Variants in THBS2 observed in about 807,000 individuals in gnomAD.
The protein encoded by THBS2 is thrombospondin-2.
Under a neutral mutation model 135.2 loss-of-function variants are expected in THBS2, and 47 were observed. That is an observed-to-expected ratio of 0.35 (90% CI 0.28 to 0.44). The LOEUF (loss-of-function observed/expected upper bound fraction) is 0.44, where lower values mean the gene tolerates loss of function less well. THBS2 is among the 20% of genes least tolerant of loss of function. The probability of loss-of-function intolerance (pLI) is 1.00; values close to 1 mark genes in which losing one functional copy is unlikely to be tolerated. For synonymous variants in THBS2, 639 were observed against 633.8 expected, an observed-to-expected ratio of 1.01 and a Z score of -0.12; for missense variants, 1,288 against 1,603.1, an observed-to-expected ratio of 0.80 and a Z score of 3.36.
chr6:169,225,124 A>C, intron 17 of THBS2, 21 bp downstream of exon 17: 1 of 1,612,012 alleles, frequency 6.2e-7, no homozygotes, highest in East Asian at 2.2e-5. Flanking sequence ...CTCCACGCCC[A>C]TGAGCTGAGA....
chr6:169,227,444 T>C (rs576910690), intron 15 of THBS2, among the ~76,000 whole-genome samples: 1 of 152,330 alleles, frequency 6.6e-6, no homozygotes, highest in East Asian at 1.9e-4. Context: ...ACCCACGTTA[T>C]TCTAACTCCT....
intron 6 of THBS2, 91 bp from the exon 7 acceptor site, chr6:169,239,786 G>T: frequency 1.0e-6 from 1 of 972,478 alleles, no homozygotes; most frequent in Non-Finnish European, 1.6e-6. Context: ...CGACAGAATG[G>T]CTGAATGTTT....
rs1451876088 is a variant in THBS2 at position 169,217,962 on chromosome 6, ATGGATGGATGAAATGGATGGG to A, written c.3512-154_3512-134del. On this transcript the variant is annotated intron_variant, in intron 21 of 21. Transcript: ENST00000617924. ...TGAGATCTATCATATGGATGGATGG[ATGGATGGATGAAATGGATGGG>A]TGGATGGATGAGATGGGTGGGTGGA... 6.8e-6 allele frequency: 5 copies of A among 740,140 alleles called. No individual in the cohort carries two copies. The Admixed American group carries it at 1.0e-4, about 15-fold the overall frequency. The allele number at this position is 740,140 out of a possible 1,614,324, so 45.8% of individuals were successfully genotyped here. A position where few individuals can be genotyped will look rare whatever the true frequency, so the allele number is the denominator to read the frequency against.
chr6:169,242,590 ACCT>A (rs1780352380), intron 4 of THBS2, among the ~76,000 whole-genome samples: 1 of 57,184 alleles, frequency 1.7e-5, no homozygotes, highest in African/African-American at 7.3e-5. Context: ...CCAAATTCCC[ACCT>A]TCCCACATTC....
rs1780227277 is a variant in THBS2 at position 169,239,774 on chromosome 6, G to A, written c.1033-79C>T. 9.1e-6 allele frequency: 10 copies of A among 1,095,384 alleles called. No homozygotes were observed. In the Admixed American group the frequency reaches 1.8e-4, roughly 20 times the overall value. 67.9% of individuals were successfully genotyped at this position (1,095,384 alleles called of 1,614,324 possible). A position where few individuals can be genotyped will look rare whatever the true frequency, so the allele number is the denominator to read the frequency against. ...GGTACAAGGGCTGAGACTAGAAGGG[G>A]TCGACAGAATGGCTGAATGTTTTCC... On this transcript the variant is annotated intron_variant, in intron 6 of 21. Transcript: ENST00000617924.
chr6:169,243,027 A>C (rs1458951127), intron 4 of THBS2, among the ~76,000 whole-genome samples: 6 of 49,066 alleles, frequency 1.2e-4, no homozygotes, highest in East Asian at 6.2e-4. Context: ...CCACCTTCCC[A>C]CCTTCCCACC....
Position 169,241,766 on chromosome 6 carries a change from C to G in THBS2, c.887G>C (p.Arg296Thr). The G allele has an allele frequency of 6.2e-7, 1 of 1,606,998 alleles. No homozygotes were observed. The highest frequency in any genetic ancestry group is 8.5e-7 in the Non-Finnish European group (1 of 1,175,452). The change falls in exon 5 of 22, where the codon AGA (arginine) becomes ACA (threonine). Residue 296 changes from arginine to threonine, a missense_variant. By Grantham distance (71) the Arg-to-Thr change is moderately conservative. Transcript: ENST00000617924. This position sits in a 1 kb window ranked among gnomAD's most constrained non-coding sequence, Gnocchi z 5.5. ...GGCCCCTGCGTGAGTACCCACCACT[C>G]TCTTGAGGTTCTCGCTGAGCTGGTT... ...LVNQLSENLK[R>T]VSNDNQFLWE...
chr6:169,249,759 G>A (rs547575829), intron 2 of THBS2, among the ~76,000 whole-genome samples: 35 of 152,266 alleles, frequency 2.3e-4, no homozygotes, highest in Admixed American at 1.1e-3. Context: ...AGCCAGGCGC[G>A]GTGGCTCACA....
Position 169,232,082 on chromosome 6 carries a change from G to A in THBS2, c.2049C>T (p.Gly683=). 2 of 1,614,124 alleles carry A rather than the reference G, an allele frequency of 1.2e-6. No individual in the cohort carries two copies. The highest frequency in any genetic ancestry group is 1.1e-5 in the South Asian group (1 of 91,084). Reference sequence around the variant, plus strand: ...CGCAGATGAGCCCGTCGCCCGCGTAGCCTGTCTGGCACTCGCACTTGTACA... The same window carrying A: ...CGCAGATGAGCCCGTCGCCCGCGTAACCTGTCTGGCACTCGCACTTGTACA... The part of the protein sequence containing the change: ...DPMYKCECQT[G]YAGDGLICGE... Residue 683 remains glycine, a synonymous_variant, in exon 13 of 22, where the codon GGC becomes GGT. Coordinates refer to ENST00000617924, the MANE Select transcript of THBS2 (RefSeq NM_003247.5).
chr6:169,246,931 G>C (rs982392144), intron 3 of THBS2, among the ~76,000 whole-genome samples: 1 of 152,208 alleles, frequency 6.6e-6, no homozygotes, highest in East Asian at 1.9e-4. Flanking sequence ...AAGACCTGCA[G>C]TTTAAGATTC....
At chr6:169,240,637 A>C (rs13192849) in intron 5 of THBS2, 45 bp from the exon 6 acceptor site, 97,679 of 1,587,562 alleles carry the variant, frequency 0.062, 7,106 homozygotes, top group African/African-American at 0.35. Flanking sequence ...ATAATACTAC[A>C]TATTTAGTCA....
rs148495395 is a variant in THBS2 at position 169,221,378 on chromosome 6, G to A, written c.3371+52C>T. 214 of 1,516,882 alleles carry A rather than the reference G, an allele frequency of 1.4e-4. No homozygotes were observed. The African/African-American group carries it at 1.6e-3, about 11-fold the overall frequency. The allele number at this position is 1,516,882 out of a possible 1,614,324, so 94.0% of individuals were successfully genotyped here. On this transcript the variant is annotated intron_variant, in intron 20 of 21. Coordinates refer to ENST00000617924, the MANE Select transcript of THBS2 (RefSeq NM_003247.5). ...TTGTCTATTAATGTTCAAATGTGCC[G>A]TCCGATGGGAAGCCCCTTGGAAGAA... is the stretch of plus-strand genomic sequence containing the variant.
In THBS2 at chr6:169,241,313, C is replaced by T. The variant is rs1780284486; in HGVS notation, c.891+449G>A. On this transcript the variant is annotated intron_variant, in intron 5 of 21. Coordinates refer to ENST00000617924, the MANE Select transcript of THBS2 (RefSeq NM_003247.5). The surrounding 1 kb of genome is among the most constrained non-coding windows in gnomAD (Gnocchi z 5.5). ...CGCTGTGCCGCTCAAACCCATTTCA[C>T]TCCTGCCAGCCTCACAGGAACTTCC... 6.6e-6 allele frequency among the ~76,000 whole-genome samples: 1 copy of T among 152,182 alleles called. No individual in the cohort carries two copies. The highest frequency in any genetic ancestry group is 6.5e-5 in the Admixed American group (1 of 15,276).
intron 4 of THBS2, among the ~76,000 whole-genome samples, chr6:169,243,915 G>T (rs1780460045): frequency 6.6e-6 from 1 of 152,190 alleles, no homozygotes; most frequent in Non-Finnish European, 1.5e-5. Context: ...TGGAAAAGGG[G>T]ATGTCATTAC....
At chr6:169,237,930 G>A (rs1031828408) in intron 7 of THBS2, 135 bp from the exon 8 acceptor site, 5 of 1,165,214 alleles carry the variant, frequency 4.3e-6, no homozygotes, top group Non-Finnish European at 5.8e-6. Flanking sequence ...GCCTGGCTGG[G>A]GCAGGTGGAC....
At chr6:169,220,842 C>A (rs982042488) in intron 20 of THBS2, among the ~76,000 whole-genome samples, 3 of 152,202 alleles carry the variant, frequency 2.0e-5, no homozygotes, top group African/African-American at 4.8e-5. Flanking sequence ...CACGAGCCTG[C>A]ACTTCACCCA....
chr6:169,236,151 C>T (rs1464114854), intron 9 of THBS2, among the ~76,000 whole-genome samples: 1 of 126,544 alleles, frequency 7.9e-6, no homozygotes, highest in Non-Finnish European at 1.7e-5. Context: ...ACTCACTCCC[C>T]ATCCACACTC....
rs1779171799 is a variant in THBS2, at chr6:169,216,378, A to G, written c.*1444T>C. 1 of 152,108 alleles carries G rather than the reference A, an allele frequency of 6.6e-6. No homozygotes were observed. The highest frequency in any genetic ancestry group is 1.5e-5 in the Non-Finnish European group (1 of 68,030). 9.4% of individuals were successfully genotyped at this position (152,108 alleles called of 1,614,324 possible). Reference sequence around the variant, plus strand: ...CTTATGTGGAGTGGGATGAGTGACTATTTCCTGCAGAAAGATCATGCAACT... The same window carrying G: ...CTTATGTGGAGTGGGATGAGTGACTGTTTCCTGCAGAAAGATCATGCAACT... On this transcript the variant is annotated 3_prime_UTR_variant, in exon 22 of 22. Transcript: ENST00000617924.
chr6:169,235,750 C>T (rs1198092380), intron 9 of THBS2, among the ~76,000 whole-genome samples: 3 of 150,274 alleles, frequency 2.0e-5, no homozygotes, highest in South Asian at 2.1e-4. Flanking sequence ...TGCCCATCCA[C>T]ACTCACTGCC....
Sources: allele counts gnomAD v4.1 joint callset (sites outside exome capture counted in the v4.1 genomes callset), GRCh38; gene constraint gnomAD v4.1.1; non-coding constraint Gnocchi (gnomAD v3.1); transcripts MANE v1.5; gene names NCBI Gene and HGNC (gene_info 2026-07-23, HGNC 2026-07-21).